Variants in EEIG2 observed in about 807,000 individuals in gnomAD.
The protein encoded by EEIG2 is EEIG family member 2.
chr1:108,579,362 A>T, the EEIG2 span, among the ~76,000 whole-genome samples: 1 of 133,818 alleles, frequency 7.5e-6, no homozygotes, highest in African/African-American at 2.8e-5. Flanking sequence ...CATAATGGTA[A>T]ACGGATCAAT....
At chr1:108,589,565 C>A in the EEIG2 span, among the ~76,000 whole-genome samples, 1 of 151,920 alleles carries the variant, frequency 6.6e-6, no homozygotes, top group Non-Finnish European at 1.5e-5. Context: ...AAAGGTTTTC[C>A]CCTTGGCTTT....
At chr1:108,635,076 A>T in the EEIG2 span, 1 of 1,613,802 alleles carries the variant, frequency 6.2e-7, no homozygotes, top group Non-Finnish European at 8.5e-7. Context: ...TGCAGCTCAA[A>T]ATTTTGAAGT....
At chr1:108,560,323 C>A in the EEIG2 span, 1 of 930,428 alleles carries the variant, frequency 1.1e-6, no homozygotes, top group Middle Eastern at 4.4e-4. Context: ...CGCCCCCGCG[C>A]ACAGCTCGCG....
chr1:108,634,917 C>T, the EEIG2 span, among the ~76,000 whole-genome samples: 1 of 152,154 alleles, frequency 6.6e-6, no homozygotes, highest in Admixed American at 6.5e-5. Flanking sequence ...AGGATCTAGG[C>T]TAATCCAATG....
At chr1:108,625,860 A>G in the EEIG2 span, 1 of 151,964 alleles carries the variant, frequency 6.6e-6, no homozygotes, top group African/African-American at 2.4e-5. Context: ...GCAAGAGATG[A>G]TATATGTACC....
At chr1:108,612,178 C>T in the EEIG2 span, 1 of 1,603,720 alleles carries the variant, frequency 6.2e-7, no homozygotes, top group Middle Eastern at 1.7e-4. Flanking sequence ...CTTTTCATAG[C>T]TGGGCTTTGC....
the EEIG2 span, among the ~76,000 whole-genome samples, chr1:108,612,866 C>T: frequency 6.6e-6 from 1 of 152,148 alleles, no homozygotes; most frequent in Non-Finnish European, 1.5e-5. Flanking sequence ...ATTAGATAGA[C>T]CTTTTGCAGT....
the EEIG2 span, among the ~76,000 whole-genome samples, chr1:108,567,870 C>T: frequency 6.6e-6 from 1 of 152,038 alleles, no homozygotes; most frequent in Non-Finnish European, 1.5e-5. Context: ...TCGTGGCATG[C>T]ACCTGTGTTC....
At chr1:108,567,099 G>A in the EEIG2 span, among the ~76,000 whole-genome samples, 1 of 151,872 alleles carries the variant, frequency 6.6e-6, no homozygotes, top group African/African-American at 2.4e-5. Context: ...ACATTACATA[G>A]TACACAGTAA....
the EEIG2 span, chr1:108,624,781 T>C: frequency 6.4e-7 from 1 of 1,571,172 alleles, no homozygotes; most frequent in Admixed American, 1.7e-5. Flanking sequence ...TTTTTTAATT[T>C]GTGAGAGACG....
At chr1:108,611,798 C>T in the EEIG2 span, among the ~76,000 whole-genome samples, 3 of 152,334 alleles carry the variant, frequency 2.0e-5, no homozygotes, top group African/African-American at 7.2e-5. Context: ...CAAATTATCA[C>T]TCTTGGTTTG....
chr1:108,569,007 T>C, the EEIG2 span, among the ~76,000 whole-genome samples: 1 of 152,192 alleles, frequency 6.6e-6, no homozygotes, highest in Non-Finnish European at 1.5e-5. Flanking sequence ...ACCACTCTTT[T>C]AGACATGAGA....
the EEIG2 span, among the ~76,000 whole-genome samples, chr1:108,587,091 C>A: frequency 6.6e-6 from 1 of 152,066 alleles, no homozygotes; most frequent in Non-Finnish European, 1.5e-5. Context: ...TAAGAGTTAT[C>A]TTTCTTTCTC....
At chr1:108,613,030 A>G in the EEIG2 span, among the ~76,000 whole-genome samples, 250 of 152,354 alleles carry the variant, frequency 1.6e-3, 1 homozygote, top group African/African-American at 5.7e-3. Flanking sequence ...AGCTCTGAAC[A>G]TACGAAAATG....
the EEIG2 span, among the ~76,000 whole-genome samples, chr1:108,596,339 T>C: frequency 6.6e-6 from 1 of 152,190 alleles, no homozygotes; most frequent in Non-Finnish European, 1.5e-5. Flanking sequence ...AGGCATATTA[T>C]GGAAAAGCAC....
At chr1:108,563,991 C>T in the EEIG2 span, among the ~76,000 whole-genome samples, 2 of 152,130 alleles carry the variant, frequency 1.3e-5, no homozygotes, top group Non-Finnish European at 2.9e-5. Context: ...GATGGGAGGA[C>T]AGCTTGAGCA....
the EEIG2 span, among the ~76,000 whole-genome samples, chr1:108,576,734 G>A: frequency 6.7e-6 from 1 of 149,640 alleles, no homozygotes; most frequent in East Asian, 2.0e-4. Flanking sequence ...CTTTGCTATT[G>A]TGAATAATGC....
chr1:108,623,671 A>T, the EEIG2 span, among the ~76,000 whole-genome samples: 11 of 152,120 alleles, frequency 7.2e-5, no homozygotes, highest in African/African-American at 2.7e-4. Flanking sequence ...CTACAAAAAT[A>T]AAAAAATATT....
At chr1:108,629,712 T>C in the EEIG2 span, 4 of 1,356,554 alleles carry the variant, frequency 2.9e-6, no homozygotes, top group South Asian at 4.9e-5. Flanking sequence ...TTTAAAAAAA[T>C]CATGAGTAGA....
Sources: allele counts gnomAD v4.1 joint callset (sites outside exome capture counted in the v4.1 genomes callset), GRCh38; gene constraint gnomAD v4.1.1; transcripts MANE v1.5; gene names NCBI Gene and HGNC (gene_info 2026-07-23, HGNC 2026-07-21).